TOMM34: variants seen among roughly 807,000 people sequenced by gnomAD.
TOMM34 encodes the protein translocase of outer mitochondrial membrane 34, also known as mitochondrial import receptor subunit TOM34.
A neutral mutation model predicts 37.4 loss-of-function variants in TOMM34; 24 were observed. The observed-to-expected ratio is 0.64, with a 90% confidence interval of 0.46 to 0.90. The LOEUF (loss-of-function observed/expected upper bound fraction) is 0.90. Among genes scored for constraint, TOMM34 ranks in the 40% least tolerant of loss-of-function variants. The pLI, the probability that TOMM34 is intolerant of heterozygous loss-of-function variation, is 0.00. For missense variants in TOMM34, 304 were observed against 375.6 expected, an observed-to-expected ratio of 0.81 and a Z score of 1.58; for synonymous variants, 154 against 148.9, an observed-to-expected ratio of 1.03 and a Z score of -0.25.
At chr20:44,945,718 G>C (rs58372900) in intron 5 of TOMM34, among the ~76,000 whole-genome samples, 2,758 of 152,312 alleles carry the variant, frequency 0.018, 94 homozygotes, top group African/African-American at 0.062. Context: ...CTACCATCTT[G>C]CTGACCCTGC....
In TOMM34 at chr20:44,945,260, TG is replaced by T. The variant is rs1269966606; in HGVS notation, c.699-1682del. Among the ~76,000 whole-genome samples the T allele has an allele frequency of 2.6e-5, 4 of 152,350 alleles. No individual in the cohort carries two copies. The East Asian group carries it at 5.8e-4, about 22-fold the overall frequency. ...ATTCTACTAGTCCTTTGTGATTGCA[TG>T]GAATTCATAAATTAACGGAGAGAAA... On this transcript the variant is annotated intron_variant, in intron 5 of 6. Transcript: ENST00000372813.
intron 4 of TOMM34, among the ~76,000 whole-genome samples, chr20:44,949,394 T>C (rs558760529): frequency 6.6e-6 from 1 of 152,340 alleles, no homozygotes; most frequent in Non-Finnish European, 1.5e-5. Context: ...TTCTGGGCTA[T>C]GAGAAAAGGG....
intron 4 of TOMM34, among the ~76,000 whole-genome samples, chr20:44,949,425 C>G (rs983778438): frequency 6.6e-6 from 1 of 152,202 alleles, no homozygotes; most frequent in African/African-American, 2.4e-5. Flanking sequence ...TGCTATTCCT[C>G]ATTTCTGGTT....
chr20:44,960,346 C>A lies in TOMM34; in HGVS notation c.-13G>T. 3 of 1,556,296 alleles carry A rather than the reference C, an allele frequency of 1.9e-6. No homozygotes were observed. The highest frequency in any genetic ancestry group is 2.6e-6 in the Non-Finnish European group (3 of 1,150,410). On this transcript the variant is annotated 5_prime_UTR_variant, in exon 1 of 7. Coordinates refer to ENST00000372813, the MANE Select transcript of TOMM34 (RefSeq NM_006809.5). ...ATTTGGGGGCCATCCCGTGGCCAGG[C>A]CGGCGAGTTGGGAGCTCCTTCCTTC...
At chr20:44,949,301 T>C (rs376811293) in intron 4 of TOMM34, among the ~76,000 whole-genome samples, 1 of 152,154 alleles carries the variant, frequency 6.6e-6, no homozygotes, top group East Asian at 1.9e-4. Flanking sequence ...TGTAAGAAAG[T>C]ACGGAACACA....
intron 4 of TOMM34, 138 bp downstream of exon 4, chr20:44,951,695 G>T: frequency 1.4e-5 from 15 of 1,057,134 alleles, no homozygotes; most frequent in Non-Finnish European, 2.0e-5. Context: ...AAGAGGTGAA[G>T]ACTTGTATTT....
At chr20:44,958,119 T>TGTATATATATGTATAC (rs2067091294) in intron 1 of TOMM34, among the ~76,000 whole-genome samples, 2 of 132,480 alleles carry the variant, frequency 1.5e-5, no homozygotes, top group African/African-American at 5.5e-5. Flanking sequence ...TACATGTACA[T>TGTATATATATGTATAC]GTATATATAT....
rs1351547014 is a variant in TOMM34 at position 44,960,151 on chromosome 20, T to C, written c.127+56A>G. 17 of 1,511,502 alleles carry C rather than the reference T, an allele frequency of 1.1e-5. No individual in the cohort carries two copies. The East Asian group carries it at 1.6e-4, about 14-fold the overall frequency. 93.6% of individuals were successfully genotyped at this position (1,511,502 alleles called of 1,614,324 possible). The stretch of plus-strand genomic sequence containing the variant: ...TGGCCGCCGCGCGAGGCCCGGGCGG[T>C]GGTTGCGGGAGTTGGAGGAGCAGGC... On this transcript the variant is annotated intron_variant, in intron 1 of 6. Coordinates refer to ENST00000372813, the MANE Select transcript of TOMM34 (RefSeq NM_006809.5).
At chr20:44,944,526 G>A (rs1394131700) in intron 5 of TOMM34, among the ~76,000 whole-genome samples, 1 of 152,180 alleles carries the variant, frequency 6.6e-6, no homozygotes, top group African/African-American at 2.4e-5. Flanking sequence ...CCTTGTGCAA[G>A]GGACTGCTGT....
At chr20:44,952,102 A>G in intron 3 of TOMM34, 100 bp from the exon 4 acceptor site, 1 of 1,418,438 alleles carries the variant, frequency 7.1e-7, no homozygotes, top group Non-Finnish European at 9.4e-7. Flanking sequence ...CAGAAGAGCC[A>G]GAGCTGCCAC....
At chr20:44,943,246 G>A in intron 6 of TOMM34, 33 bp from the exon 7 acceptor site, 2 of 1,612,320 alleles carry the variant, frequency 1.2e-6, no homozygotes, top group South Asian at 1.1e-5. Context: ...TGTGGGGGAA[G>A]GTTCCCGGAC....
chr20:44,952,154 G>A, intron 3 of TOMM34, 152 bp from the exon 4 acceptor site: 4 of 798,020 alleles, frequency 5.0e-6, no homozygotes, highest in Middle Eastern at 3.8e-4. Flanking sequence ...CCTCCAACAC[G>A]TGCAATACAG....
chr20:44,947,427 A>G (rs2066989686), intron 5 of TOMM34, among the ~76,000 whole-genome samples: 1 of 152,188 alleles, frequency 6.6e-6, no homozygotes, highest in Non-Finnish European at 1.5e-5. Context: ...CTAATAATTA[A>G]CTTCTGCAAG....
At chr20:44,949,782 TC>T (rs1203001839) in intron 4 of TOMM34, among the ~76,000 whole-genome samples, 1 of 152,184 alleles carries the variant, frequency 6.6e-6, no homozygotes, top group East Asian at 1.9e-4. Flanking sequence ...GAAACTATTA[TC>T]CCCAATTCTG....
chr20:44,947,656 G>A (rs985645963), intron 5 of TOMM34, among the ~76,000 whole-genome samples: 10 of 152,048 alleles, frequency 6.6e-5, no homozygotes, highest in Admixed American at 1.3e-4. Context: ...GTGCCACAGC[G>A]CCCAGCTGAT....
In TOMM34 at chr20:44,955,127, G is replaced by C; in HGVS notation, c.321C>G (p.Asp107Glu). The C allele has an allele frequency of 6.2e-7, 1 of 1,614,188 alleles. No individual in the cohort carries two copies. Among genetic ancestry groups the C allele is most frequent in the Non-Finnish European group, 8.5e-7 (1 of 1,180,032 alleles). The change falls in exon 3 of 7, where the codon GAC (aspartate) becomes GAG (glutamate). Residue 107 changes from aspartate to glutamate, a missense_variant. Coordinates refer to ENST00000372813, the MANE Select transcript of TOMM34 (RefSeq NM_006809.5). Reference sequence around the variant, plus strand: ...CATCAATCTGCAGCACAGTCTTATAGTCAACATAGGCCATAGGGTACTTCT... The same window carrying C: ...CATCAATCTGCAGCACAGTCTTATACTCAACATAGGCCATAGGGTACTTCT... ...ALEKYPMAYV[D>E]YKTVLQIDDN...
chr20:44,948,010 A>G (rs1220768592), intron 5 of TOMM34, among the ~76,000 whole-genome samples: 2 of 152,220 alleles, frequency 1.3e-5, no homozygotes, highest in African/African-American at 4.8e-5. Context: ...TAACAGGAAG[A>G]TCTTGTTGAA....
chr20:44,944,927 ACTTTTC>A (rs1339569095), intron 5 of TOMM34, among the ~76,000 whole-genome samples: 4 of 152,166 alleles, frequency 2.6e-5, no homozygotes, highest in Non-Finnish European at 4.4e-5. Flanking sequence ...AACTTCTCTA[ACTTTTC>A]CTTTAACGAC....
At chr20:44,952,154 G>C (rs907782579) in intron 3 of TOMM34, 152 bp from the exon 4 acceptor site, 2 of 798,022 alleles carry the variant, frequency 2.5e-6, no homozygotes, top group Non-Finnish European at 3.8e-6. Context: ...CCTCCAACAC[G>C]TGCAATACAG....
Sources: allele counts gnomAD v4.1 joint callset (sites outside exome capture counted in the v4.1 genomes callset), GRCh38; gene constraint gnomAD v4.1.1; transcripts MANE v1.5; gene names NCBI Gene and HGNC (gene_info 2026-07-23, HGNC 2026-07-21).